Variants in PARD3B observed in about 807,000 individuals in gnomAD.
The protein encoded by PARD3B is partitioning defective 3 homolog B.
In PARD3B, 103 loss-of-function variants were observed where a neutral mutation model predicts 130.2. The ratio of observed to expected loss-of-function variants is 0.79; its 90% CI spans 0.67 to 0.93. PARD3B has a LOEUF of 0.93. Among genes scored for constraint, PARD3B ranks in the 40% least tolerant of loss-of-function variants. The pLI, the probability that PARD3B is intolerant of heterozygous loss-of-function variation, is 0.00. For missense variants in PARD3B, 1,609 were observed against 1,499.2 expected, an observed-to-expected ratio of 1.07 and a Z score of -1.21; for synonymous variants, 583 against 553.2, an observed-to-expected ratio of 1.05 and a Z score of -0.76.
chr2:204,616,387 T>A (rs1464945857), intron 1 of PARD3B, among the ~76,000 whole-genome samples: 1 of 152,178 alleles, frequency 6.6e-6, no homozygotes, highest in Non-Finnish European at 1.5e-5. Flanking sequence ...TCATATGTCA[T>A]CAGGGAAATG....
At chr2:205,315,406 T>G (rs1574676496) in intron 18 of PARD3B, among the ~76,000 whole-genome samples, 1 of 152,326 alleles carries the variant, frequency 6.6e-6, no homozygotes, top group East Asian at 1.9e-4. Context: ...CATAGTATTC[T>G]GCCTTGGGAG....
chr2:204,971,630 T>C (rs72940492), intron 3 of PARD3B, among the ~76,000 whole-genome samples: 12,655 of 151,458 alleles, frequency 0.084, 640 homozygotes, highest in Non-Finnish European at 0.11. Context: ...GTTTTTTTTT[T>C]CCCCCTCCAT....
chr2:204,587,328 CTG>C (rs1249599747), intron 1 of PARD3B, among the ~76,000 whole-genome samples: 1 of 152,154 alleles, frequency 6.6e-6, no homozygotes, highest in African/African-American at 2.4e-5. Context: ...TTATTTAAAA[CTG>C]TGAGGGAATC....
At chr2:205,179,790 T>C (rs2035685772) in intron 13 of PARD3B, among the ~76,000 whole-genome samples, 1 of 152,202 alleles carries the variant, frequency 6.6e-6, no homozygotes, top group South Asian at 2.1e-4. Flanking sequence ...CTGCAAAGAA[T>C]AGCAAAGGCT....
intron 2 of PARD3B, among the ~76,000 whole-genome samples, chr2:204,787,049 T>C (rs1200244915): frequency 6.6e-6 from 1 of 152,096 alleles, no homozygotes; most frequent in Non-Finnish European, 1.5e-5. Context: ...GCTTTTTATA[T>C]GGCTTTATTA....
chr2:205,615,987 G>A lies in PARD3B; in HGVS notation c.*174G>A. Reference sequence around the variant, plus strand: ...ATCAGAGAGAAAAAGAAGGGGAAGGGAATTGGGGAGGAAAAAAAATCAGAA... The same window carrying A: ...ATCAGAGAGAAAAAGAAGGGGAAGGAAATTGGGGAGGAAAAAAAATCAGAA... On this transcript the variant is annotated 3_prime_UTR_variant, in exon 23 of 23. Transcript: ENST00000406610. 1 of 602,194 alleles carries A rather than the reference G, an allele frequency of 1.7e-6. No individual in the cohort carries two copies. Among genetic ancestry groups the A allele is most frequent in the Middle Eastern group, 4.5e-4 (1 of 2,222 alleles). 37.3% of individuals were successfully genotyped at this position (602,194 alleles called of 1,614,324 possible). A position where few individuals can be genotyped will look rare whatever the true frequency, so the allele number is the denominator to read the frequency against.
intron 2 of PARD3B, among the ~76,000 whole-genome samples, chr2:204,930,373 A>G (rs1687943127): frequency 6.6e-6 from 1 of 152,044 alleles, no homozygotes; most frequent in Non-Finnish European, 1.5e-5. Flanking sequence ...CATCATCTCT[A>G]GGTTACTCAT....
intron 2 of PARD3B, among the ~76,000 whole-genome samples, chr2:204,704,721 C>T (rs1574757192): frequency 6.6e-6 from 1 of 152,160 alleles, no homozygotes; most frequent in South Asian, 2.1e-4. Context: ...CATAAACCCT[C>T]CCCTTTGAAT....
chr2:204,780,368 T>A (rs1180226428), intron 2 of PARD3B, among the ~76,000 whole-genome samples: 1 of 152,142 alleles, frequency 6.6e-6, no homozygotes, highest in Non-Finnish European at 1.5e-5. Context: ...TTTAAAGCAG[T>A]TTGGCCTTTG....
intron 2 of PARD3B, among the ~76,000 whole-genome samples, chr2:204,904,703 A>G (rs1327348657): frequency 1.3e-5 from 2 of 152,088 alleles, no homozygotes; most frequent in South Asian, 2.1e-4. Context: ...TGAACTATCC[A>G]TGAAAGATTT....
At chr2:205,311,419 A>T (rs1193364246) in intron 18 of PARD3B, among the ~76,000 whole-genome samples, 1 of 152,146 alleles carries the variant, frequency 6.6e-6, no homozygotes, top group Non-Finnish European at 1.5e-5. Flanking sequence ...ATGATTCGTG[A>T]TATCACTGAG....
chr2:205,172,134 G>T, intron 11 of PARD3B, 77 bp from the exon 12 acceptor site: 2 of 1,405,656 alleles, frequency 1.4e-6, no homozygotes, highest in South Asian at 2.8e-5. Context: ...TTTTAAACTT[G>T]AACTTTTCCC....
At chr2:205,332,862 A>G (rs1408030713) in intron 18 of PARD3B, among the ~76,000 whole-genome samples, 1 of 152,196 alleles carries the variant, frequency 6.6e-6, no homozygotes, top group Non-Finnish European at 1.5e-5. Flanking sequence ...GCCATATACA[A>G]GGAGGGTATT....
At chr2:205,266,064 C>T (rs1304661220) in intron 16 of PARD3B, among the ~76,000 whole-genome samples, 1 of 152,048 alleles carries the variant, frequency 6.6e-6, no homozygotes, top group East Asian at 1.9e-4. Context: ...CTTGAAAAGA[C>T]ATAGCTTCTT....
chr2:205,415,824 C>G (rs928023552), intron 19 of PARD3B, among the ~76,000 whole-genome samples: 2 of 152,088 alleles, frequency 1.3e-5, no homozygotes, highest in Non-Finnish European at 2.9e-5. Context: ...GATTTTGCCT[C>G]TGAGGAGAAA....
At chr2:205,553,752 C>T (rs1255955816) in intron 22 of PARD3B, among the ~76,000 whole-genome samples, 1 of 152,114 alleles carries the variant, frequency 6.6e-6, no homozygotes. Context: ...GAGTTACGCA[C>T]GAGGAATGGC....
At chr2:204,899,884 G>T (rs764731178) in intron 2 of PARD3B, among the ~76,000 whole-genome samples, 1 of 150,360 alleles carries the variant, frequency 6.7e-6, no homozygotes, top group Non-Finnish European at 1.5e-5. Flanking sequence ...ACTATCCTTT[G>T]ATAAAAGTTT....
At chr2:205,249,607 G>A (rs985594284) in intron 16 of PARD3B, among the ~76,000 whole-genome samples, 2 of 152,100 alleles carry the variant, frequency 1.3e-5, no homozygotes, top group Non-Finnish European at 2.9e-5. Flanking sequence ...CACCCCTTCT[G>A]GAATTAGTCC....
chr2:204,891,624 T>C (rs2046449628), intron 2 of PARD3B, among the ~76,000 whole-genome samples: 1 of 152,150 alleles, frequency 6.6e-6, no homozygotes, highest in Non-Finnish European at 1.5e-5. Context: ...AATACTGCAG[T>C]AAAAAGCTTA....
Sources: allele counts gnomAD v4.1 joint callset (sites outside exome capture counted in the v4.1 genomes callset), GRCh38; gene constraint gnomAD v4.1.1; transcripts MANE v1.5; gene names NCBI Gene and HGNC (gene_info 2026-07-23, HGNC 2026-07-21).